The following DNAH12 variants were observed in gnomAD, a reference collection of about 807,000 sequenced individuals.
DNAH12 encodes the protein axonemal beta dynein heavy chain 12.
In DNAH12, 285 loss-of-function variants were observed where a neutral mutation model predicts 371.5. The ratio of observed to expected loss-of-function variants is 0.77; its 90% confidence interval spans 0.70 to 0.85. The LOEUF (loss-of-function observed/expected upper bound fraction) is 0.85. Ranked by LOEUF, DNAH12 falls within the 40% of genes least tolerant of loss-of-function variation. DNAH12 has a pLI of 0.00. For synonymous variants in DNAH12, 1,200 were observed against 1,213.0 expected, an observed-to-expected ratio of 0.99 and a Z score of 0.22; for missense variants, 3,611 against 3,689.4, an observed-to-expected ratio of 0.98 and a Z score of 0.55.
intron 57 of DNAH12, among the ~76,000 whole-genome samples, chr3:57,364,653 C>A (rs1323182438): frequency 6.6e-6 from 1 of 152,026 alleles, no homozygotes; most frequent in Non-Finnish European, 1.5e-5. Context: ...TTCTGCACAG[C>A]AAAATAAACT....
At chr3:57,462,211 G>GT (rs570230622) in intron 18 of DNAH12, among the ~76,000 whole-genome samples, 108 of 151,732 alleles carry the variant, frequency 7.1e-4, no homozygotes, top group Admixed American at 4.1e-3. Flanking sequence ...TTCAGGACAA[G>GT]TAAGTACACA....
chr3:57,294,683 A>G (rs1391406601), intron 73 of DNAH12, among the ~76,000 whole-genome samples: 1 of 152,146 alleles, frequency 6.6e-6, no homozygotes, highest in South Asian at 2.1e-4. Flanking sequence ...AATCCAAGAA[A>G]CCCACACATT....
chr3:57,328,666 T>C (rs551732981), intron 62 of DNAH12, among the ~76,000 whole-genome samples: 2,031 of 144,036 alleles, frequency 0.014, 42 homozygotes, highest in African/African-American at 0.05. Flanking sequence ...AGGGATGCCC[T>C]CTCTCACCAC....
Position 57,404,955 on chromosome 3 carries a change from C to G in DNAH12, c.6755+14G>C. 1 of 1,490,800 alleles carries G rather than the reference C, an allele frequency of 6.7e-7. No individual in the cohort carries two copies. Among genetic ancestry groups the G allele is most frequent in the Non-Finnish European group, 8.9e-7 (1 of 1,125,676 alleles). 92.3% of individuals were successfully genotyped at this position (1,490,800 alleles called of 1,614,324 possible). A position where few individuals can be genotyped will look rare whatever the true frequency, so the allele number is the denominator to read the frequency against. On this transcript the variant is annotated intron_variant, in intron 42 of 73. Transcript: ENST00000495027. ...CAGATAGCAATTTCAAGCATCAACA[C>G]CATATATAGGTACCTAAAAATGACA...
chr3:57,460,104 G>A (rs561138397), intron 19 of DNAH12, among the ~76,000 whole-genome samples: 1 of 152,196 alleles, frequency 6.6e-6, no homozygotes, highest in South Asian at 2.1e-4. Context: ...ATCAACCACA[G>A]GCAATTTTGC....
At chr3:57,403,021 G>T (rs1553679514) in intron 43 of DNAH12, among the ~76,000 whole-genome samples, 2 of 152,130 alleles carry the variant, frequency 1.3e-5, no homozygotes, top group Non-Finnish European at 2.9e-5. Context: ...AGAAAGCCTT[G>T]CTCTGTTATG....
intron 45 of DNAH12, among the ~76,000 whole-genome samples, chr3:57,389,829 T>C (rs1467098947): frequency 8.2e-6 from 1 of 122,502 alleles, no homozygotes; most frequent in African/African-American, 2.7e-5. Context: ...TGTGTATATA[T>C]ATATATATAT....
chr3:57,481,106 G>A (rs367573035), intron 13 of DNAH12, among the ~76,000 whole-genome samples: 58 of 152,200 alleles, frequency 3.8e-4, no homozygotes, highest in African/African-American at 1.3e-3. Flanking sequence ...AGGGTATTCA[G>A]TTAGGAAAAG....
chr3:57,311,357 G>A (rs1024537822), intron 66 of DNAH12, among the ~76,000 whole-genome samples: 6 of 152,216 alleles, frequency 3.9e-5, no homozygotes, highest in African/African-American at 1.4e-4. Context: ...GATTACAGGC[G>A]TGAGCCACTG....
chr3:57,373,430 C>G (rs2063218102), intron 55 of DNAH12, among the ~76,000 whole-genome samples: 1 of 151,852 alleles, frequency 6.6e-6, no homozygotes, highest in Admixed American at 6.6e-5. Context: ...ATTCTCCTGC[C>G]TCAGCCTCCT....
At position 57,310,726 on chromosome 3, in the gene DNAH12, T is replaced by C; in HGVS notation, c.10887A>G (p.Glu3629=). 6.5e-7 allele frequency: 1 copy of C among 1,548,810 alleles called. No homozygotes were observed. The highest frequency in any genetic ancestry group is 8.7e-7 in the Non-Finnish European group (1 of 1,144,586). Residue 3629 remains glutamate, a synonymous_variant, in exon 67 of 74, where the codon GAA becomes GAG. Coordinates refer to ENST00000495027, the MANE Select transcript of DNAH12 (RefSeq NM_001366028.2). ...TTGGTGACATCATTACCTTAATGAATTCAATGTAGTCCTCATAAGTGCCTT... is the reference window on the plus strand; with the variant it reads ...TTGGTGACATCATTACCTTAATGAACTCAATGTAGTCCTCATAAGTGCCTT... ...PPKGTYEDYI[E]FIKKLPFTQH...
intron 55 of DNAH12, among the ~76,000 whole-genome samples, chr3:57,372,615 A>C (rs2063199439): frequency 6.6e-6 from 1 of 152,108 alleles, no homozygotes; most frequent in African/African-American, 2.4e-5. Context: ...TATATATATA[A>C]TAGCATAAAA....
At chr3:57,302,644 C>G (rs542260161) in intron 69 of DNAH12, among the ~76,000 whole-genome samples, 1 of 130,612 alleles carries the variant, frequency 7.7e-6, no homozygotes, top group Non-Finnish European at 1.6e-5. Flanking sequence ...GGCATGATCT[C>G]GGCTCACTGC....
intron 60 of DNAH12, among the ~76,000 whole-genome samples, chr3:57,350,743 A>C (rs367694562): frequency 1.3e-5 from 2 of 152,220 alleles, no homozygotes; most frequent in African/African-American, 4.8e-5. Flanking sequence ...TTTGTCACAT[A>C]CAATTGTCAA....
intron 36 of DNAH12, among the ~76,000 whole-genome samples, chr3:57,419,932 TTA>T (rs1419711076): frequency 2.6e-5 from 4 of 152,208 alleles, no homozygotes; most frequent in African/African-American, 9.6e-5. Context: ...GTACTTCAAG[TTA>T]CAATTTCCTG....
At chr3:57,444,855 C>A in intron 28 of DNAH12, 39 bp from the exon 29 acceptor site, 1 of 1,524,356 alleles carries the variant, frequency 6.6e-7, no homozygotes, top group Admixed American at 2.2e-5. Context: ...AGTTAGTTGC[C>A]AGCAATTGCA....
chr3:57,498,132 C>A (rs1394729783), intron 11 of DNAH12: 1 of 189,010 alleles, frequency 5.3e-6, no homozygotes, highest in East Asian at 1.3e-4. Flanking sequence ...AGTGGGATAC[C>A]AATATACACA....
intron 60 of DNAH12, among the ~76,000 whole-genome samples, chr3:57,350,436 T>G (rs550213358): frequency 1.3e-5 from 2 of 152,276 alleles, no homozygotes; most frequent in African/African-American, 4.8e-5. Flanking sequence ...TACAGAGCAG[T>G]AGGGAAAAGG....
chr3:57,381,211 T>C (rs988715824), intron 50 of DNAH12, among the ~76,000 whole-genome samples: 3 of 148,846 alleles, frequency 2.0e-5, no homozygotes, highest in Non-Finnish European at 4.5e-5. Flanking sequence ...GTTCTTTTTT[T>C]CTACTTCCGG....
Sources: allele counts gnomAD v4.1 joint callset (sites outside exome capture counted in the v4.1 genomes callset), GRCh38; gene constraint gnomAD v4.1.1; transcripts MANE v1.5; gene names NCBI Gene and HGNC (gene_info 2026-07-23, HGNC 2026-07-21).